Variants in MYSM1 observed in about 807,000 individuals in gnomAD.
MYSM1 encodes deubiquitinase MYSM1.
A neutral mutation model predicts 116.0 loss-of-function variants in MYSM1; 51 were observed. The ratio of observed to expected loss-of-function variants is 0.44; its 90% CI spans 0.35 to 0.56. MYSM1 has a LOEUF of 0.56. Among genes scored for constraint, MYSM1 ranks in the 20% least tolerant of loss-of-function variants. The pLI is 0.00. For missense variants in MYSM1, 900 were observed against 974.9 expected (o/e 0.92, Z 1.02); for synonymous variants, 313 against 315.2 (o/e 0.99, Z 0.07).
chr1:58,675,617 T>C (rs1384563007), intron 9 of MYSM1, 37 bp from the exon 10 acceptor site: 4 of 1,523,040 alleles, frequency 2.6e-6, no homozygotes, highest in Non-Finnish European at 3.6e-6. Context: ...CATCTATTAT[T>C]TTGTGAAACT....
intron 6 of MYSM1, among the ~76,000 whole-genome samples, chr1:58,686,548 G>A (rs559890746): frequency 6.6e-6 from 1 of 152,272 alleles, no homozygotes; most frequent in South Asian, 2.1e-4. Context: ...CTTAATTTAA[G>A]TAAATTTCTG....
chr1:58,668,710 G>C, intron 13 of MYSM1, 28 bp from the exon 14 acceptor site: 1 of 1,576,930 alleles, frequency 6.3e-7, no homozygotes. Flanking sequence ...AAACAAAACG[G>C]GGGAGCATAA....
At chr1:58,688,172 T>A (rs1040765634) in intron 6 of MYSM1, among the ~76,000 whole-genome samples, 1 of 152,072 alleles carries the variant, frequency 6.6e-6, no homozygotes, top group East Asian at 1.9e-4. Context: ...ATCATTTATA[T>A]ATTTATATAA....
intron 14 of MYSM1, among the ~76,000 whole-genome samples, 156 bp from the exon 15 acceptor site, chr1:58,668,077 GCA>G (rs1644502707): frequency 6.6e-6 from 1 of 152,156 alleles, no homozygotes; most frequent in Admixed American, 6.5e-5. Flanking sequence ...TAGGATCAGT[GCA>G]CAGAAACTAA....
chr1:58,665,775 T>A (rs980625286), intron 16 of MYSM1, 144 bp from the exon 17 acceptor site: 9 of 615,444 alleles, frequency 1.5e-5, no homozygotes, highest in Non-Finnish European at 2.5e-5. Context: ...CCCGGCACAG[T>A]GGCCCACGCC....
At chr1:58,684,347 C>A (rs1644793814) in intron 7 of MYSM1, among the ~76,000 whole-genome samples, 1 of 151,934 alleles carries the variant, frequency 6.6e-6, no homozygotes, top group Non-Finnish European at 1.5e-5. Flanking sequence ...GGGTGGATCA[C>A]GAGGTCAGGA....
At chr1:58,686,628 A>G (rs1253125503) in intron 6 of MYSM1, among the ~76,000 whole-genome samples, 4 of 152,242 alleles carry the variant, frequency 2.6e-5, no homozygotes, top group African/African-American at 9.6e-5. Context: ...TTATTAGTAA[A>G]TATAAATTAA....
At chr1:58,684,046 C>T (rs1181847534) in intron 7 of MYSM1, among the ~76,000 whole-genome samples, 1 of 152,032 alleles carries the variant, frequency 6.6e-6, no homozygotes, top group African/African-American at 2.4e-5. Flanking sequence ...TAACTAAACC[C>T]TGGTGAGCTG....
At position 58,682,001 on chromosome 1, in the gene MYSM1, T is replaced by G. The variant is rs370791777; in HGVS notation, c.1043A>C (p.Lys348Thr). 7 of 1,614,070 alleles carry G rather than the reference T, an allele frequency of 4.3e-6. No homozygotes were observed. Among genetic ancestry groups the G allele is most frequent in the Non-Finnish European group, 5.9e-6 (7 of 1,180,032 alleles). The change falls in exon 8 of 20, where the codon AAA becomes ACA. Residue 348 changes from lysine (K) to threonine (T), a missense_variant. By Grantham distance (78) the Lys-to-Thr change is moderately conservative (BLOSUM62 -1). Coordinates refer to ENST00000472487, the MANE Select transcript of MYSM1 (RefSeq NM_001085487.3). ...AAGCATTTCATTATCATTCAAATTT[T>G]TCTGAATTTCACAAGGCTCTGGAGA... The part of the protein sequence containing the change: ...LPSPEPCEIQ[K>T]NLNDNEMLFH...
At chr1:58,663,947 T>C (rs6690841) in intron 17 of MYSM1, among the ~76,000 whole-genome samples, 2,582 of 152,336 alleles carry the variant, frequency 0.017, 67 homozygotes, top group African/African-American at 0.059. Flanking sequence ...TTCCCATCTC[T>C]TAGCAATCGT....
chr1:58,695,265 A>C, intron 1 of MYSM1, 58 bp from the exon 2 acceptor site: 1 of 1,088,578 alleles, frequency 9.2e-7, no homozygotes, highest in Admixed American at 1.7e-5. Context: ...AATGAATGTA[A>C]CTTACACAGC....
intron 8 of MYSM1, among the ~76,000 whole-genome samples, chr1:58,679,804 G>A (rs1644710693): frequency 6.6e-6 from 1 of 151,670 alleles, no homozygotes; most frequent in African/African-American, 2.4e-5. Context: ...GAGGTGAGTG[G>A]ATTACCTGAG....
At chr1:58,690,193 A>C (rs1269526272) in intron 5 of MYSM1, 33 bp downstream of exon 5, 49 of 1,451,946 alleles carry the variant, frequency 3.4e-5, no homozygotes, top group Non-Finnish European at 4.4e-5. Context: ...ACTAATGAAA[A>C]CAGATTTATA....
intron 7 of MYSM1, among the ~76,000 whole-genome samples, chr1:58,683,429 T>C (rs1005250888): frequency 6.6e-6 from 1 of 152,190 alleles, no homozygotes; most frequent in Non-Finnish European, 1.5e-5. Flanking sequence ...TGCAGGCTTA[T>C]TTAATGAGCT....
intron 15 of MYSM1, among the ~76,000 whole-genome samples, 161 bp from the exon 16 acceptor site, chr1:58,667,387 G>A (rs1569716643): frequency 6.6e-6 from 1 of 152,280 alleles, no homozygotes; most frequent in South Asian, 2.1e-4. Flanking sequence ...AACTCCAAAA[G>A]TCTGATTATA....
In MYSM1 at chr1:58,682,585, T is replaced by C. The variant is rs763212046; in HGVS notation, c.499-40A>G. 2.7e-6 allele frequency: 4 copies of C among 1,486,074 alleles called. No individual in the cohort carries two copies. In the South Asian group the frequency reaches 5.6e-5, roughly 21 times the overall value. 92.1% of individuals were successfully genotyped at this position (1,486,074 alleles called of 1,614,324 possible). Reference sequence around the variant, plus strand: ...AAATAAAATCCCCATAATATTAAGATTTAAAAATTTAATCACTGGTACACA... The same window carrying C: ...AAATAAAATCCCCATAATATTAAGACTTAAAAATTTAATCACTGGTACACA... On this transcript the variant is annotated intron_variant, in intron 7 of 19. Transcript: ENST00000472487.
chr1:58,673,178 C>T (rs1208353347), intron 11 of MYSM1, among the ~76,000 whole-genome samples: 2 of 151,612 alleles, frequency 1.3e-5, no homozygotes, highest in African/African-American at 4.8e-5. Context: ...TTCTACTGCA[C>T]TAGCTGTTAC....
At chr1:58,674,118 C>A (rs1316179279) in intron 10 of MYSM1, among the ~76,000 whole-genome samples, 1 of 152,074 alleles carries the variant, frequency 6.6e-6, no homozygotes, top group African/African-American at 2.4e-5. Context: ...CAACCTCCCA[C>A]CTCCCGGTTC....
chr1:58,666,057 T>TA (rs1312579597), intron 16 of MYSM1, among the ~76,000 whole-genome samples: 200 of 142,406 alleles, frequency 1.4e-3, no homozygotes, highest in Middle Eastern at 3.6e-3. Flanking sequence ...ACTATGTCTC[T>TA]AAAAAAAAAA....
Sources: gnomAD v4.1 joint callset for allele counts (sites outside exome capture counted in the v4.1 genomes callset) on GRCh38, gnomAD v4.1.1 for gene constraint, MANE v1.5 for transcripts, NCBI Gene and HGNC (gene_info 2026-07-23, HGNC 2026-07-21) for gene names.